The following UBXN7 variants were observed in gnomAD, a reference collection of about 807,000 sequenced individuals.
UBXN7 encodes UBX domain-containing protein 7.
Under a neutral mutation model 58.0 loss-of-function variants are expected in UBXN7, and 9 were observed. The ratio of observed to expected loss-of-function variants is 0.16; its 90% confidence interval spans 0.09 to 0.27. The LOEUF is 0.27. Ranked by LOEUF, UBXN7 falls within the 10% of genes least tolerant of loss-of-function variation. The pLI, the probability that UBXN7 is intolerant of heterozygous loss-of-function variation, is 1.00. For synonymous variants in UBXN7, 208 were observed against 205.0 expected (o/e 1.01, Z -0.12); for missense variants, 328 against 599.6 (o/e 0.55, Z 4.73).
intron 5 of UBXN7, among the ~76,000 whole-genome samples, chr3:196,387,186 G>C (rs1729431883): frequency 6.6e-6 from 1 of 152,166 alleles, no homozygotes; most frequent in Non-Finnish European, 1.5e-5. Context: ...AAGAAATGGG[G>C]AAAGGATTCC....
chr3:196,385,458 C>T (rs181034627), intron 5 of UBXN7, among the ~76,000 whole-genome samples: 105 of 151,746 alleles, frequency 6.9e-4, no homozygotes, highest in Non-Finnish European at 1.3e-3. Context: ...TCTGCCCGGC[C>T]GTCATCCCAT....
intron 3 of UBXN7, among the ~76,000 whole-genome samples, chr3:196,401,334 C>A: frequency 1.7e-5 from 2 of 118,122 alleles, no homozygotes; most frequent in African/African-American, 3.2e-5. Context: ...TATATATATA[C>A]ACATATATAC....
chr3:196,412,924 C>T (rs1355190059), intron 1 of UBXN7, among the ~76,000 whole-genome samples: 2 of 152,032 alleles, frequency 1.3e-5, no homozygotes, highest in African/African-American at 2.4e-5. Context: ...GAATGAGGAA[C>T]AGGGAGTTCT....
At chr3:196,372,749 A>AT (rs34621274) in intron 5 of UBXN7, among the ~76,000 whole-genome samples, 6,899 of 144,790 alleles carry the variant, frequency 0.048, 140 homozygotes, top group Middle Eastern at 0.081. Context: ...TCCATCAACA[A>AT]TTTTTTTTTT....
At position 196,348,881 on chromosome 3, in the gene UBXN7, G is replaced by C. The variant is rs1728147797; in HGVS notation, c.*7804C>G. The stretch of plus-strand genomic sequence containing the variant: ...CACAGACACTGCTGAGAGTTTCCAG[G>C]GAACAATCAATACCTACTCGAAAAA... On this transcript the variant is annotated 3_prime_UTR_variant, in exon 11 of 11. Coordinates refer to ENST00000296328, the MANE Select transcript of UBXN7 (RefSeq NM_015562.2). The C allele has an allele frequency of 6.6e-6, 1 of 151,960 alleles. No individual in the cohort carries two copies. Among genetic ancestry groups the C allele is most frequent in the South Asian group, 2.1e-4 (1 of 4,830 alleles). 9.4% of individuals were successfully genotyped at this position (151,960 alleles called of 1,614,324 possible). A position where few individuals can be genotyped will look rare whatever the true frequency, so the allele number is the denominator to read the frequency against.
At position 196,385,853 on chromosome 3, in the gene UBXN7, C is replaced by T. The variant is rs181379541; in HGVS notation, c.468+5960G>A. Among the ~76,000 whole-genome samples, 286 of 151,988 alleles carry T rather than the reference C, an allele frequency of 1.9e-3. 1 individual carries two copies. Among genetic ancestry groups the T allele is most frequent in the East Asian group, 0.014 (73 of 5,126 alleles). ...CTGGGAAGTGAGGAGCCCCTCTGCC[C>T]GGCCGCCACCCCATCTGGGAGGTGT... On this transcript the variant is annotated intron_variant, in intron 5 of 10. Coordinates refer to ENST00000296328, the MANE Select transcript of UBXN7 (RefSeq NM_015562.2).
intron 5 of UBXN7, among the ~76,000 whole-genome samples, chr3:196,383,585 TCA>T (rs1729281449): frequency 6.6e-6 from 1 of 152,056 alleles, no homozygotes; most frequent in African/African-American, 2.4e-5. Context: ...AGAACAGAAA[TCA>T]CAACAAACTG....
chr3:196,388,474 T>TG lies in UBXN7; in HGVS notation c.468+3338_468+3339insC, dbSNP rs35023530. ...AAAGAAATAAATAAGCTACTGTTTGTTTTTTTTTTTTCCAGTCTCTCTCAC... is the reference window on the plus strand; with the variant it reads ...AAAGAAATAAATAAGCTACTGTTTGTGTTTTTTTTTTTCCAGTCTCTCTCAC... On this transcript the variant is annotated intron_variant, in intron 5 of 10. Coordinates refer to ENST00000296328, the MANE Select transcript of UBXN7 (RefSeq NM_015562.2). Among the ~76,000 whole-genome samples, 309 of 66,354 alleles carry TG rather than the reference T, an allele frequency of 4.7e-3. 1 individual carries two copies. Among genetic ancestry groups the TG allele is most frequent in the African/African-American group, 0.011 (291 of 25,508 alleles). The allele number at this position is 66,354 out of a possible 152,430, so 43.5% of individuals were successfully genotyped here.
chr3:196,416,377 GC>G (rs1302245799), intron 1 of UBXN7: 2 of 152,116 alleles, frequency 1.3e-5, no homozygotes, highest in African/African-American at 4.8e-5. Context: ...GTTGCAGTGA[GC>G]TGAAATTGCG....
At chr3:196,428,568 GAGA>G (rs935893492) in intron 1 of UBXN7, among the ~76,000 whole-genome samples, 11 of 152,038 alleles carry the variant, frequency 7.2e-5, no homozygotes, top group African/African-American at 2.7e-4. Context: ...TTGCTGTTGT[GAGA>G]AGGAGAATTA....
chr3:196,357,987 G>A, intron 10 of UBXN7, among the ~76,000 whole-genome samples: 1 of 151,978 alleles, frequency 6.6e-6, no homozygotes, highest in East Asian at 1.9e-4. Context: ...AGTGAGCCAA[G>A]GTCGTGCCCC....
At chr3:196,385,976 T>C (rs1729378219) in intron 5 of UBXN7, among the ~76,000 whole-genome samples, 1 of 152,084 alleles carries the variant, frequency 6.6e-6, no homozygotes, top group South Asian at 2.1e-4. Context: ...ATCGGATTGT[T>C]ACTGTGTCTG....
At chr3:196,361,498 G>A (rs973955419) in intron 10 of UBXN7, among the ~76,000 whole-genome samples, 2 of 152,080 alleles carry the variant, frequency 1.3e-5, no homozygotes, top group African/African-American at 4.8e-5. Context: ...ACATGCTACA[G>A]AGAAATTTTT....
chr3:196,409,622 C>T (rs1488951489), intron 1 of UBXN7, among the ~76,000 whole-genome samples: 5 of 152,132 alleles, frequency 3.3e-5, no homozygotes, highest in Non-Finnish European at 5.9e-5. Flanking sequence ...GGAGGTTTTT[C>T]AAGACCACAT....
chr3:196,432,344 T>C lies in UBXN7; in HGVS notation c.56A>G (p.Gln19Arg). 6.2e-7 allele frequency: 1 copy of C among 1,610,938 alleles called. No homozygotes were observed. Among genetic ancestry groups the C allele is most frequent in the Admixed American group, 1.7e-5 (1 of 59,960 alleles). The change falls in exon 1 of 11, where the codon CAG (glutamine) becomes CGG (arginine). Residue 19 changes from glutamine to arginine, a missense_variant. Physicochemically the swap from Gln to Arg is conservative, Grantham distance 43. Around this residue, in one of 4 missense-constraint regions of UBXN7, gnomAD observed 106 missense variants for 124.3 expected, o/e 0.85. Transcript: ENST00000296328. The part of the protein sequence containing the change: ...ASSALKGLIQ[Q>R]FTTITGASES... ...TCTCTTACCGGTAATGGTGGTGAAC[T>C]GTTGAATTAACCCCTTCAGCGCCGA...
At position 196,429,697 on chromosome 3, in the gene UBXN7, T is replaced by C. The variant is rs80282764; in HGVS notation, c.73+2630A>G. ...AGAACCCCAAAAAAATTTTAAGACATGTAAAAAAGGCAAAAAGAAATCAAT... is the reference window on the plus strand; with the variant it reads ...AGAACCCCAAAAAAATTTTAAGACACGTAAAAAAGGCAAAAAGAAATCAAT... On this transcript the variant is annotated intron_variant, in intron 1 of 10. Transcript: ENST00000296328. 4.3e-3 allele frequency among the ~76,000 whole-genome samples: 648 copies of C among 152,238 alleles called. 6 individuals are homozygous for C. The highest frequency in any genetic ancestry group is 0.014 in the African/African-American group (601 of 41,538).
chr3:196,405,034 G>A (rs1460659877), intron 2 of UBXN7, among the ~76,000 whole-genome samples: 1 of 152,134 alleles, frequency 6.6e-6, no homozygotes, highest in African/African-American at 2.4e-5. Flanking sequence ...TGCGCCTATA[G>A]TCCCAGCTAC....
intron 1 of UBXN7, among the ~76,000 whole-genome samples, chr3:196,415,294 T>C (rs1442525145): frequency 2.0e-5 from 3 of 150,326 alleles, no homozygotes; most frequent in Non-Finnish European, 4.4e-5. Flanking sequence ...GCTGGGACAA[T>C]AGGCGCACGC....
At chr3:196,374,090 A>C (rs1029347430) in intron 5 of UBXN7, among the ~76,000 whole-genome samples, 9 of 152,234 alleles carry the variant, frequency 5.9e-5, no homozygotes, top group Non-Finnish European at 7.3e-5. Context: ...AAGCTGCTTT[A>C]ACTACAGAAA....
Sources: gnomAD v4.1 joint callset for allele counts (sites outside exome capture counted in the v4.1 genomes callset) on GRCh38, gnomAD v4.1.1 for gene constraint, gnomAD v4.1.1 regional missense constraint, MANE v1.5 for transcripts, NCBI Gene and HGNC (gene_info 2026-07-23, HGNC 2026-07-21) for gene names.